Variants in PKP1 observed in about 807,000 individuals in gnomAD.
The protein encoded by PKP1 is plakophilin-1.
PKP1 carries 27 observed loss-of-function variants against 76.4 expected under a neutral mutation model. That is an observed-to-expected ratio of 0.35 (90% CI 0.26 to 0.49). PKP1 has a LOEUF of 0.49. PKP1 is among the 20% of genes least tolerant of loss of function. PKP1 has a pLI of 0.99. For synonymous variants in PKP1, 404 were observed against 384.2 expected, an observed-to-expected ratio of 1.05 and a Z score of -0.60; for missense variants, 964 against 955.2, an observed-to-expected ratio of 1.01 and a Z score of -0.12.
chr1:201,325,181 C>T, intron 11 of PKP1, 54 bp downstream of exon 11: 1 of 1,561,778 alleles, frequency 6.4e-7, no homozygotes, highest in Non-Finnish European at 8.8e-7. Flanking sequence ...CCCTCCTCAC[C>T]CTGCACAGCA....
intron 2 of PKP1, among the ~76,000 whole-genome samples, chr1:201,309,901 G>C (rs891174115): frequency 6.6e-6 from 1 of 152,340 alleles, no homozygotes; most frequent in African/African-American, 2.4e-5. Context: ...CCCAAGTAAA[G>C]AAACACTGCA....
intron 2 of PKP1, among the ~76,000 whole-genome samples, chr1:201,311,225 A>T (rs1159435729): frequency 1.3e-5 from 2 of 152,138 alleles, no homozygotes; most frequent in Non-Finnish European, 2.9e-5. Flanking sequence ...CCATTTGTAA[A>T]GGCTTTCATG....
chr1:201,310,980 G>A (rs764681013), intron 2 of PKP1, among the ~76,000 whole-genome samples: 1 of 152,208 alleles, frequency 6.6e-6, no homozygotes, highest in Non-Finnish European at 1.5e-5. Flanking sequence ...GCCTCTGAGA[G>A]GCTCAATCAG....
chr1:201,324,822 G>T, intron 10 of PKP1, 119 bp from the exon 11 acceptor site: 1 of 1,146,664 alleles, frequency 8.7e-7, no homozygotes, highest in Non-Finnish European at 1.3e-6. Flanking sequence ...GAAGCCCTGA[G>T]GGCCACCTGG....
chr1:201,316,675 A>T lies in PKP1; in HGVS notation c.824A>T (p.Gln275Leu), dbSNP rs780602512. ...TATTACATCCAGCATACCTGCTTCC[A>T]GGATGAATCTGCCAAGCAACAGGTA... ...GAYYIQHTCF[Q>L]DESAKQQVYQ... Residue 275 changes from glutamine to leucine, a missense_variant, in exon 4 of 14, where the codon CAG (glutamine) becomes CTG (leucine). By Grantham distance (113) the Gln-to-Leu change is moderately radical. Coordinates refer to ENST00000367324, the MANE Select transcript of PKP1 (RefSeq NM_001005337.3). 2.0e-5 allele frequency: 32 copies of T among 1,613,968 alleles called. No individual in the cohort carries two copies. Among genetic ancestry groups the T allele is most frequent in the Non-Finnish European group, 2.5e-5 (30 of 1,180,034 alleles).
Position 201,324,563 on chromosome 1 carries a change from C to G in PKP1, c.1816C>G (p.Leu606Val). The G allele has an allele frequency of 1.2e-6, 2 of 1,614,176 alleles. No individual in the cohort carries two copies. The highest frequency in any genetic ancestry group is 1.7e-6 in the Non-Finnish European group (2 of 1,180,024). ...CCTGAGCAACATGTCCCGCCACCCT[C>G]TGCTGCACAGAGTGATGGGTAAGGT... ...SLLSNMSRHPLLHRVMGNQVF... is the reference protein window; with the variant it reads ...SLLSNMSRHPVLHRVMGNQVF... Residue 606 changes from leucine to valine, a missense_variant, in exon 10 of 14, where the codon CTG becomes GTG. Leu to Val is a conservative substitution (Grantham distance 32, BLOSUM62 1). Coordinates refer to ENST00000367324, the MANE Select transcript of PKP1 (RefSeq NM_001005337.3).
intron 2 of PKP1, among the ~76,000 whole-genome samples, chr1:201,296,394 G>A (rs1656070328): frequency 6.6e-6 from 1 of 152,202 alleles, no homozygotes; most frequent in Admixed American, 6.5e-5. Context: ...ACTGGCACAG[G>A]ACGATGTTAT....
intron 3 of PKP1, among the ~76,000 whole-genome samples, chr1:201,314,695 A>G (rs1438040608): frequency 6.6e-6 from 1 of 152,220 alleles, no homozygotes; most frequent in Non-Finnish European, 1.5e-5. Context: ...GAACCTTTGA[A>G]CTGTCCTTCA....
chr1:201,298,935 T>C (rs1361553933), intron 2 of PKP1, among the ~76,000 whole-genome samples: 1 of 152,172 alleles, frequency 6.6e-6, no homozygotes, highest in East Asian at 1.9e-4. Flanking sequence ...ATGAGAGGAC[T>C]GGGGTTGCAT....
chr1:201,325,149 C>T (rs375446917), intron 11 of PKP1, 22 bp downstream of exon 11: 114 of 1,610,254 alleles, frequency 7.1e-5, no homozygotes, highest in East Asian at 5.4e-4. Flanking sequence ...GTTGCTCCCA[C>T]GGGCTGCACC....
Position 201,323,070 on chromosome 1 carries a change from T to A in PKP1, c.1561T>A (p.Trp521Arg). Residue 521 changes from tryptophan to arginine, a missense_variant, in exon 9 of 14, where the codon TGG (tryptophan) becomes AGG (arginine). Trp to Arg is a moderately radical substitution (Grantham distance 101, BLOSUM62 -3). Transcript: ENST00000367324. Reference sequence around the variant, plus strand: ...AGAGACCAACCCCAAGGGCAGCGGCTGGTTGTACCATTCAGATGCCATCCG... The same window carrying A: ...AGAGACCAACCCCAAGGGCAGCGGCAGGTTGTACCATTCAGATGCCATCCG... Reference protein sequence around the residue: ...EEETNPKGSGWLYHSDAIRTY... With the variant: ...EEETNPKGSGRLYHSDAIRTY... The A allele has an allele frequency of 1.2e-6, 2 of 1,614,166 alleles. No individual in the cohort carries two copies. Among genetic ancestry groups the A allele is most frequent in the South Asian group, 2.2e-5 (2 of 91,076 alleles).
intron 2 of PKP1, among the ~76,000 whole-genome samples, chr1:201,301,145 G>A (rs1656216388): frequency 6.6e-6 from 1 of 152,154 alleles, no homozygotes; most frequent in Non-Finnish European, 1.5e-5. Context: ...GGAGAGGGCA[G>A]ACTCCCACCA....
At position 201,315,851 on chromosome 1, in the gene PKP1, C is replaced by T. The variant is rs183904227; in HGVS notation, c.702-702C>T. Reference sequence around the variant, plus strand: ...CAACACAGTGAACTGGGTTTTAGAACCACTTATCTAGTAAAAAGGGTATGA... The same window carrying T: ...CAACACAGTGAACTGGGTTTTAGAATCACTTATCTAGTAAAAAGGGTATGA... On this transcript the variant is annotated intron_variant, in intron 3 of 13. Transcript: ENST00000367324. 3.5e-4 allele frequency among the ~76,000 whole-genome samples: 53 copies of T among 152,152 alleles called. 1 individual carries two copies. Among genetic ancestry groups the T allele is most frequent in the African/African-American group, 1.4e-4 (6 of 41,494 alleles).
At chr1:201,293,814 C>T (rs1041089504) in intron 1 of PKP1, 128 bp from the exon 2 acceptor site, 2 of 715,782 alleles carry the variant, frequency 2.8e-6, no homozygotes, top group Admixed American at 2.0e-5. Flanking sequence ...CCACCTTCTC[C>T]TCCAGGAGCT....
At chr1:201,325,215 T>G in intron 11 of PKP1, 88 bp downstream of exon 11, 3 of 1,358,736 alleles carry the variant, frequency 2.2e-6, no homozygotes, top group Non-Finnish European at 3.1e-6. Flanking sequence ...CAGCTCTCCA[T>G]GGAGTAGGGG....
intron 2 of PKP1, among the ~76,000 whole-genome samples, chr1:201,300,104 C>G (rs1373791737): frequency 1.3e-5 from 2 of 152,210 alleles, no homozygotes; most frequent in Non-Finnish European, 2.9e-5. Flanking sequence ...CTACAAGGGC[C>G]CCAGGCTCTC....
chr1:201,317,497 T>C (rs1656791052), intron 4 of PKP1, 75 bp from the exon 5 acceptor site: 1 of 1,292,466 alleles, frequency 7.7e-7, no homozygotes, highest in Non-Finnish European at 1.1e-6. Context: ...AAAAAAAAAA[T>C]CACCTTTGAG....
At chr1:201,311,969 C>A (rs918404144) in intron 2 of PKP1, among the ~76,000 whole-genome samples, 4 of 152,240 alleles carry the variant, frequency 2.6e-5, no homozygotes, top group Non-Finnish European at 5.9e-5. Flanking sequence ...AGGCCGACTC[C>A]CCACTTGGGC....
intron 9 of PKP1, among the ~76,000 whole-genome samples, chr1:201,323,984 G>C (rs1310174174): frequency 6.6e-6 from 1 of 152,200 alleles, no homozygotes. Flanking sequence ...ACAAATATGT[G>C]TTGGATTCTA....
Sources: allele counts gnomAD v4.1 joint callset (sites outside exome capture counted in the v4.1 genomes callset), GRCh38; gene constraint gnomAD v4.1.1; transcripts MANE v1.5; gene names NCBI Gene and HGNC (gene_info 2026-07-23, HGNC 2026-07-21).